Variants in SMURF1 observed in about 807,000 individuals in gnomAD.
The protein encoded by SMURF1 is E3 ubiquitin-protein ligase SMURF1.
SMURF1 carries 44 observed loss-of-function variants against 98.0 expected under a neutral mutation model. The ratio of observed to expected loss-of-function variants is 0.45; its 90% CI spans 0.35 to 0.58. The LOEUF is 0.58. Among genes scored for constraint, SMURF1 ranks in the 20% least tolerant of loss-of-function variants. The pLI, the probability that SMURF1 is intolerant of heterozygous loss-of-function variation, is 0.00. For synonymous variants in SMURF1, 396 were observed against 374.9 expected, an observed-to-expected ratio of 1.06 and a Z score of -0.65; for missense variants, 687 against 938.4, an observed-to-expected ratio of 0.73 and a Z score of 3.50.
rs1796239594 is a variant in SMURF1 at position 99,068,071 on chromosome 7, C to T, written c.56-6234G>A. Among the ~76,000 whole-genome samples, 2 of 152,232 alleles carry T rather than the reference C, an allele frequency of 1.3e-5. 1 individual carries two copies. Among genetic ancestry groups the T allele is most frequent in the South Asian group, 4.1e-4 (2 of 4,836 alleles). ...ATTTGTGTCAATACTTCTAATATTT[C>T]TCTAGCCTGTGGCTAGAAACTTTCA... On this transcript the variant is annotated intron_variant, in intron 1 of 17. Transcript: ENST00000361368.
intron 1 of SMURF1, among the ~76,000 whole-genome samples, chr7:99,107,164 C>T (rs1797212125): frequency 6.6e-6 from 1 of 152,142 alleles, no homozygotes; most frequent in Admixed American, 6.5e-5. Flanking sequence ...TTGAAATCTA[C>T]CCTCATTAAT....
chr7:99,046,127 C>A (rs975819150), intron 10 of SMURF1, among the ~76,000 whole-genome samples: 4 of 152,098 alleles, frequency 2.6e-5, no homozygotes, highest in African/African-American at 9.7e-5. Context: ...AATTTCAATG[C>A]ACACTATAAA....
At chr7:99,061,774 G>A (rs764089869) in intron 2 of SMURF1, 25 bp downstream of exon 2, 3 of 1,572,802 alleles carry the variant, frequency 1.9e-6, no homozygotes, top group Non-Finnish European at 2.6e-6. Context: ...CATTATAAGA[G>A]GGAAAAAAAT....
At chr7:99,135,520 T>C (rs1797971832) in intron 1 of SMURF1, among the ~76,000 whole-genome samples, 1 of 152,014 alleles carries the variant, frequency 6.6e-6, no homozygotes, top group Admixed American at 6.6e-5. Context: ...TTTTGAATCA[T>C]GCTTTTTCCC....
At chr7:99,141,929 G>A (rs536656767) in intron 1 of SMURF1, among the ~76,000 whole-genome samples, 2 of 152,322 alleles carry the variant, frequency 1.3e-5, no homozygotes, top group East Asian at 3.9e-4. Flanking sequence ...GGATTAGAAT[G>A]AACTTTTTAG....
At chr7:99,059,381 G>A (rs1206157369) in intron 3 of SMURF1, among the ~76,000 whole-genome samples, 15 of 135,380 alleles carry the variant, frequency 1.1e-4, no homozygotes, top group Non-Finnish European at 1.2e-4. Flanking sequence ...CTGGGCGACA[G>A]AGCAAGACTC....
rs1796274884 is a variant in SMURF1, at chr7:99,069,603, C to T, written c.56-7766G>A. Among the ~76,000 whole-genome samples the T allele has an allele frequency of 3.9e-5, 6 of 152,102 alleles. 1 individual carries two copies. In the South Asian group the frequency reaches 1.0e-3, roughly 26 times the overall value. ...TCAAACTGAGCTTAAGCAATCCTCC[C>T]GCCTCAGCCTCCCCAAGTGCTGTGC... On this transcript the variant is annotated intron_variant, in intron 1 of 17. Transcript: ENST00000361368.
chr7:99,098,280 G>A (rs545020527), intron 1 of SMURF1, among the ~76,000 whole-genome samples: 15 of 152,246 alleles, frequency 9.9e-5, no homozygotes, highest in Non-Finnish European at 1.6e-4. Context: ...GGAAGCAGGG[G>A]AGACGATAAG....
chr7:99,045,329 C>T (rs138366884), intron 11 of SMURF1, among the ~76,000 whole-genome samples: 123 of 152,332 alleles, frequency 8.1e-4, no homozygotes, highest in African/African-American at 2.9e-3. Context: ...CTGCCCTGCT[C>T]CCTGCAGCAA....
intron 1 of SMURF1, among the ~76,000 whole-genome samples, chr7:99,098,725 G>T (rs1797006647): frequency 6.6e-6 from 1 of 152,070 alleles, no homozygotes; most frequent in South Asian, 2.1e-4. Context: ...TCTGGTCAAG[G>T]GAAACTGCAG....
intron 1 of SMURF1, among the ~76,000 whole-genome samples, chr7:99,106,403 G>A (rs1200949265): frequency 6.6e-6 from 1 of 152,190 alleles, no homozygotes; most frequent in Non-Finnish European, 1.5e-5. Flanking sequence ...TGAAATTTCA[G>A]CATTTATTCC....
chr7:99,091,293 A>G (rs1396721599), intron 1 of SMURF1, among the ~76,000 whole-genome samples: 1 of 152,250 alleles, frequency 6.6e-6, no homozygotes, highest in Non-Finnish European at 1.5e-5. Flanking sequence ...GGTAAAATTC[A>G]TGCAATGCAT....
intron 1 of SMURF1, among the ~76,000 whole-genome samples, chr7:99,089,072 C>T (rs534029685): frequency 7.2e-5 from 11 of 152,066 alleles, no homozygotes; most frequent in East Asian, 3.9e-4. Context: ...GGCGTGGTGG[C>T]GTGCGCCTGT....
chr7:99,086,150 A>G (rs576168567), intron 1 of SMURF1, among the ~76,000 whole-genome samples: 29 of 152,018 alleles, frequency 1.9e-4, no homozygotes, highest in African/African-American at 7.0e-4. Flanking sequence ...GTTCGAGACC[A>G]GCCTGGCCAA....
intron 1 of SMURF1, among the ~76,000 whole-genome samples, chr7:99,075,931 A>G (rs1796445217): frequency 6.6e-6 from 1 of 152,210 alleles, no homozygotes; most frequent in Non-Finnish European, 1.5e-5. Context: ...ATTGATTTAT[A>G]AATATCTGAG....
At chr7:99,135,805 TAGAC>T (rs1563045128) in intron 1 of SMURF1, among the ~76,000 whole-genome samples, 2 of 152,240 alleles carry the variant, frequency 1.3e-5, no homozygotes, top group Non-Finnish European at 2.9e-5. Context: ...TATGATCTGA[TAGAC>T]AGTGCCAAAC....
At chr7:99,062,729 T>C (rs936109562) in intron 1 of SMURF1, among the ~76,000 whole-genome samples, 2 of 151,944 alleles carry the variant, frequency 1.3e-5, no homozygotes, top group African/African-American at 4.8e-5. Flanking sequence ...ATGCCTCTAA[T>C]CCCAGCTACT....
At chr7:99,087,440 A>G (rs1012678947) in intron 1 of SMURF1, among the ~76,000 whole-genome samples, 1 of 152,072 alleles carries the variant, frequency 6.6e-6, no homozygotes, top group Non-Finnish European at 1.5e-5. Flanking sequence ...CAGAAGTGGC[A>G]TTTGCTTCTT....
At chr7:99,040,615 C>G in intron 12 of SMURF1, 59 bp from the exon 13 acceptor site, 1 of 1,352,612 alleles carries the variant, frequency 7.4e-7, no homozygotes, top group Non-Finnish European at 9.6e-7. Flanking sequence ...ATGTGGGAAT[C>G]TCGTGCTGTC....
Sources: allele counts gnomAD v4.1 joint callset (sites outside exome capture counted in the v4.1 genomes callset), GRCh38; gene constraint gnomAD v4.1.1; transcripts MANE v1.5; gene names NCBI Gene and HGNC (gene_info 2026-07-23, HGNC 2026-07-21).